WDR35: variants seen among roughly 807,000 people sequenced by gnomAD.
WDR35 encodes the protein WD repeat-containing protein 35.
WDR35 carries 118 observed loss-of-function variants against 158.3 expected under a neutral mutation model. The ratio of observed to expected loss-of-function variants is 0.75; its 90% CI spans 0.64 to 0.87. The LOEUF (loss-of-function observed/expected upper bound fraction) is 0.87. Among genes scored for constraint, WDR35 ranks in the 40% least tolerant of loss-of-function variants. The probability of loss-of-function intolerance (pLI) is 0.00; values close to 1 mark genes in which losing one functional copy is unlikely to be tolerated. For missense variants in WDR35, 1,263 were observed against 1,405.8 expected, an observed-to-expected ratio of 0.90 and a Z score of 1.62; for synonymous variants, 448 against 476.1, an observed-to-expected ratio of 0.94 and a Z score of 0.77.
chr2:19,941,818 A>G lies in WDR35; in HGVS notation c.1867T>C (p.Tyr623His). The change falls in exon 17 of 27, where the codon TAT becomes CAT. Residue 623 changes from tyrosine to histidine, a missense_variant. Physicochemically the swap from Tyr to His is moderately conservative, Grantham distance 83 (BLOSUM62 2). Transcript: ENST00000281405. ...TCTAAATCCTCAAAATTACAAATATATCCAGAGGTCTGAATGGGTTCCTTT... is the reference window on the plus strand; with the variant it reads ...TCTAAATCCTCAAAATTACAAATATGTCCAGAGGTCTGAATGGGTTCCTTT... ...DPEEPIQTSG[Y>H]ICNFEDLEIK... The G allele has an allele frequency of 6.4e-7, 1 of 1,574,026 alleles. No homozygotes were observed. Among genetic ancestry groups the G allele is most frequent in the Non-Finnish European group, 8.7e-7 (1 of 1,152,234 alleles).
At chr2:19,972,073 G>A (rs1370613997) in intron 8 of WDR35, among the ~76,000 whole-genome samples, 2 of 152,134 alleles carry the variant, frequency 1.3e-5, no homozygotes. Context: ...AGACCACAGT[G>A]CAAAACCCAG....
chr2:19,944,450 T>C (rs1039441329), intron 16 of WDR35, among the ~76,000 whole-genome samples: 4 of 152,234 alleles, frequency 2.6e-5, no homozygotes, highest in African/African-American at 9.6e-5. Flanking sequence ...TCCAGGCATA[T>C]GATTTGTGAT....
intron 5 of WDR35, among the ~76,000 whole-genome samples, 179 bp from the exon 6 acceptor site, chr2:19,975,842 A>G (rs1672192485): frequency 6.6e-6 from 1 of 152,242 alleles, no homozygotes; most frequent in Admixed American, 6.5e-5. Context: ...CATCTGAAAT[A>G]GCAGCTGTTT....
At chr2:19,986,868 A>C (rs1672581460) in intron 2 of WDR35, among the ~76,000 whole-genome samples, 1 of 152,206 alleles carries the variant, frequency 6.6e-6, no homozygotes, top group Non-Finnish European at 1.5e-5. Context: ...CATATTAGGA[A>C]CTTGTATAAA....
At chr2:19,923,772 C>G (rs1033917653) in intron 25 of WDR35, among the ~76,000 whole-genome samples, 1 of 152,134 alleles carries the variant, frequency 6.6e-6, no homozygotes, top group Non-Finnish European at 1.5e-5. Context: ...GAATACACCC[C>G]CCAGAACAAC....
chr2:19,948,772 C>T (rs1375568568), intron 13 of WDR35, among the ~76,000 whole-genome samples: 3 of 151,746 alleles, frequency 2.0e-5, no homozygotes, highest in African/African-American at 7.3e-5. Flanking sequence ...TTAATGATTG[C>T]CAGGGGACAA....
chr2:19,927,558 G>T (rs1670394302), intron 25 of WDR35, among the ~76,000 whole-genome samples: 2 of 152,266 alleles, frequency 1.3e-5, no homozygotes, highest in South Asian at 4.2e-4. Flanking sequence ...AACCATGGTG[G>T]TATAGTGGCA....
chr2:19,951,746 A>G (rs1369141652), intron 12 of WDR35: 1 of 310,146 alleles, frequency 3.2e-6, no homozygotes, highest in African/African-American at 2.2e-5. Context: ...TTCCCGATGA[A>G]TTTCATTAAG....
At chr2:19,989,357 C>G in intron 1 of WDR35, 75 bp from the exon 2 acceptor site, 1 of 1,315,940 alleles carries the variant, frequency 7.6e-7, no homozygotes, top group South Asian at 1.2e-5. Context: ...GAGATGAAAG[C>G]TGAAGAAAAT....
intron 11 of WDR35, among the ~76,000 whole-genome samples, chr2:19,958,926 T>C (rs1671539193): frequency 6.6e-6 from 1 of 152,168 alleles, no homozygotes; most frequent in African/African-American, 2.4e-5. Context: ...ACAAAAATTA[T>C]AAAGAGGAAG....
At chr2:19,959,214 TGAA>T (rs926110509) in intron 11 of WDR35, among the ~76,000 whole-genome samples, 14 of 151,860 alleles carry the variant, frequency 9.2e-5, no homozygotes, top group African/African-American at 3.4e-4. Flanking sequence ...TGCCATTTTA[TGAA>T]GAAGGATTTA....
intron 11 of WDR35, among the ~76,000 whole-genome samples, chr2:19,959,827 C>T (rs557080407): frequency 3.3e-5 from 5 of 151,958 alleles, no homozygotes; most frequent in East Asian, 3.9e-4. Flanking sequence ...ATAATTTTTA[C>T]AATACTGTAT....
intron 9 of WDR35, among the ~76,000 whole-genome samples, chr2:19,968,232 C>T (rs1224327915): frequency 6.6e-6 from 1 of 152,158 alleles, no homozygotes; most frequent in East Asian, 1.9e-4. Flanking sequence ...ATGATGTTAA[C>T]CTTTATCACT....
chr2:19,979,460 G>A (rs577084708), intron 4 of WDR35, among the ~76,000 whole-genome samples: 28 of 152,148 alleles, frequency 1.8e-4, no homozygotes, highest in Non-Finnish European at 3.4e-4. Flanking sequence ...TTAGTGACAC[G>A]ACATCTCTAA....
At position 19,945,932 on chromosome 2, in the gene WDR35, C is replaced by T; in HGVS notation, c.1699G>A (p.Asp567Asn). The T allele has an allele frequency of 6.2e-7, 1 of 1,613,910 alleles. No homozygotes were observed. Among genetic ancestry groups the T allele is most frequent in the African/African-American group, 1.3e-5 (1 of 75,006 alleles). The change falls in exon 16 of 27, where the codon GAC (aspartate) becomes AAC (asparagine). Residue 567 changes from aspartate to asparagine, a missense_variant. Asp to Asn is a conservative substitution (Grantham distance 23). Transcript: ENST00000281405. ...CCAACTACTTGCTGTCCCGTACTGT[C>T]CGTTACTCGAGCATCCAAGTCAAAG... ...TFFDLDARVT[D>N]STGQQVVGEL... is the part of the protein sequence containing the mutation.
In WDR35 at chr2:19,980,712, T is replaced by C; in HGVS notation, c.286A>G (p.Ile96Val). The change falls in exon 4 of 27, where the codon ATT (isoleucine) becomes GTT (valine). Residue 96 changes from isoleucine to valine, a missense_variant. Ile to Val is a conservative substitution (Grantham distance 29). Coordinates refer to ENST00000281405, the MANE Select transcript of WDR35 (RefSeq NM_020779.4). ...ATACCTTTATATAACATCCACACAA[T>C]GATAAGCCCGTTTTCATCACTGGTA... ...LTTSDENGLI[I>V]VWMLYKGSWI... 2.5e-6 allele frequency: 4 copies of C among 1,613,732 alleles called. No individual in the cohort carries two copies. Among genetic ancestry groups the C allele is most frequent in the South Asian group, 2.2e-5 (2 of 91,066 alleles).
intron 16 of WDR35, among the ~76,000 whole-genome samples, chr2:19,942,951 C>T (rs1670923657): frequency 6.6e-6 from 1 of 151,978 alleles, no homozygotes; most frequent in African/African-American, 2.4e-5. Flanking sequence ...CACCCTTATC[C>T]AGCACACAAG....
At chr2:19,915,059 A>G (rs1185175096) in intron 25 of WDR35, among the ~76,000 whole-genome samples, 1 of 152,092 alleles carries the variant, frequency 6.6e-6, no homozygotes, top group Non-Finnish European at 1.5e-5. Flanking sequence ...CGTTCTGTAC[A>G]TGTACCCCAG....
intron 2 of WDR35, among the ~76,000 whole-genome samples, chr2:19,985,821 C>T (rs1672547251): frequency 7.1e-6 from 1 of 141,502 alleles, no homozygotes; most frequent in South Asian, 2.3e-4. Context: ...TGCTTGAACC[C>T]GGGAAGTGGA....
Sources: allele counts gnomAD v4.1 joint callset (sites outside exome capture counted in the v4.1 genomes callset), GRCh38; gene constraint gnomAD v4.1.1; transcripts MANE v1.5; gene names NCBI Gene and HGNC (gene_info 2026-07-23, HGNC 2026-07-21).